The following CENPE variants were observed in gnomAD, a reference collection of about 807,000 sequenced individuals.
CENPE encodes centromere protein E.
CENPE carries 145 observed loss-of-function variants against 336.1 expected under a neutral mutation model. That is an observed-to-expected ratio of 0.43 (90% CI 0.38 to 0.50). The LOEUF (loss-of-function observed/expected upper bound fraction) is 0.50. Among genes scored for constraint, CENPE ranks in the 20% least tolerant of loss-of-function variants. CENPE has a pLI of 0.00. For missense variants in CENPE, 2,719 were observed against 3,023.3 expected (o/e 0.90, Z 2.36); for synonymous variants, 1,013 against 984.8 (o/e 1.03, Z -0.54).
chr4:103,195,912 T>G lies in CENPE; in HGVS notation c.357+8A>C. On this transcript the variant is annotated splice_region_variant and intron_variant, in intron 4 of 48. Transcript: ENST00000265148. ...TGTACGTACTAGAAATCCAGTTAAG[T>G]TACTTACCTTCTTAATTTTTTGGAA... 8 of 1,550,410 alleles carry G rather than the reference T, an allele frequency of 5.2e-6. No homozygotes were observed. Among genetic ancestry groups the G allele is most frequent in the Non-Finnish European group, 7.1e-6 (8 of 1,122,078 alleles).
rs907373989 is a variant in CENPE, at chr4:103,141,159, A to G, written c.5464-55T>C. ...GTGGCTTTTTAGGGACAGATAAATAATAGTTTCTAAATTGATTAAGACAAC... is the reference window on the plus strand; with the variant it reads ...GTGGCTTTTTAGGGACAGATAAATAGTAGTTTCTAAATTGATTAAGACAAC... On this transcript the variant is annotated intron_variant, in intron 35 of 48. Coordinates refer to ENST00000265148, the MANE Select transcript of CENPE (RefSeq NM_001813.3). The G allele has an allele frequency of 6.9e-6, 7 of 1,020,002 alleles. No individual in the cohort carries two copies. The African/African-American group carries it at 8.0e-5, about 12-fold the overall frequency. The allele number at this position is 1,020,002 out of a possible 1,614,324, so 63.2% of individuals were successfully genotyped here. A position where few individuals can be genotyped will look rare whatever the true frequency, so the allele number is the denominator to read the frequency against.
chr4:103,145,686 A>AT lies in CENPE; in HGVS notation c.4414-6dup, dbSNP rs767880556. 6.4e-7 allele frequency: 1 copy of AT among 1,571,172 alleles called. No homozygotes were observed. Among genetic ancestry groups the AT allele is most frequent in the Admixed American group, 2.1e-5 (1 of 48,482 alleles). On this transcript the variant is annotated splice_polypyrimidine_tract_variant and splice_region_variant and intron_variant, in intron 30 of 48. Transcript: ENST00000265148. ...TTCCTCTTCAGTTTCCAGGTGCTTT[A>AT]TTATTAGAGGAAATTCCAATAAATT...
At position 103,145,044 on chromosome 4, in the gene CENPE, A is replaced by G. The variant is rs765090464; in HGVS notation, c.4857+6T>C. The G allele has an allele frequency of 6.7e-7, 1 of 1,487,862 alleles. No individual in the cohort carries two copies. Among genetic ancestry groups the G allele is most frequent in the East Asian group, 2.3e-5 (1 of 43,800 alleles). 92.2% of individuals were successfully genotyped at this position (1,487,862 alleles called of 1,614,324 possible). A position where few individuals can be genotyped will look rare whatever the true frequency, so the allele number is the denominator to read the frequency against. On this transcript the variant is annotated splice_donor_region_variant and intron_variant, in intron 32 of 48. Coordinates refer to ENST00000265148, the MANE Select transcript of CENPE (RefSeq NM_001813.3). ...CAAAAAAAAAAAAAATAAGATGGGA[A>G]CTTACTTTAGCTACAATTTCTTTAG...
At chr4:103,134,791 G>A (rs551217880) in intron 40 of CENPE, among the ~76,000 whole-genome samples, 11 of 152,276 alleles carry the variant, frequency 7.2e-5, no homozygotes, top group Non-Finnish European at 1.2e-4. Context: ...ACCAGGGCCC[G>A]AAGGGCAATC....
At chr4:103,161,046 A>G (rs1180227544) in intron 20 of CENPE, 40 bp downstream of exon 20, 5 of 1,468,952 alleles carry the variant, frequency 3.4e-6, no homozygotes, top group Non-Finnish European at 4.6e-6. Context: ...TTTCTAGAAG[A>G]AGTCAGATTT....
intron 25 of CENPE, among the ~76,000 whole-genome samples, chr4:103,151,750 C>A (rs898514163): frequency 6.6e-6 from 1 of 152,148 alleles, no homozygotes; most frequent in Non-Finnish European, 1.5e-5. Flanking sequence ...GGTTTTAGCA[C>A]AGATCACTGC....
rs150136358 is a variant in CENPE, at chr4:103,110,177, C to G, written c.7724+651G>C. Among the ~76,000 whole-genome samples, 15 of 152,184 alleles carry G rather than the reference C, an allele frequency of 9.9e-5. No individual in the cohort carries two copies. In the East Asian group the frequency reaches 2.9e-3, roughly 29 times the overall value. ...TGAATCGCGGAAATCTTTTGGGTTC[C>G]CAGTGTGTATAGTAGAAAGATAAGT... On this transcript the variant is annotated intron_variant, in intron 47 of 48. Transcript: ENST00000265148.
At chr4:103,148,720 A>C in intron 28 of CENPE, 124 bp downstream of exon 28, 6 of 878,754 alleles carry the variant, frequency 6.8e-6, no homozygotes, top group South Asian at 1.7e-5. Context: ...CACATTAAAC[A>C]CTCGACAAAT....
chr4:103,121,471 A>G (rs763980538), intron 43 of CENPE, among the ~76,000 whole-genome samples: 2 of 151,746 alleles, frequency 1.3e-5, no homozygotes, highest in South Asian at 2.1e-4. Flanking sequence ...TGAGATAGGA[A>G]TCCAGCCTTA....
At chr4:103,112,978 GTA>G (rs1447008670) in intron 46 of CENPE, among the ~76,000 whole-genome samples, 1 of 41,906 alleles carries the variant, frequency 2.4e-5, no homozygotes, top group Non-Finnish European at 4.0e-5. Flanking sequence ...GTATATAAGT[GTA>G]TATATATACT....
Position 103,136,339 on chromosome 4 carries a change from T to C in CENPE, c.6324A>G (p.Ser2108=), listed in dbSNP as rs750340259. 1 of 1,610,020 alleles carries C rather than the reference T, an allele frequency of 6.2e-7. No homozygotes were observed. The highest frequency in any genetic ancestry group is 2.2e-5 in the East Asian group (1 of 44,768). The change falls in exon 40 of 49, where the codon TCA becomes TCG. Residue 2108 remains serine (S), a synonymous_variant. Coordinates refer to ENST00000265148, the MANE Select transcript of CENPE (RefSeq NM_001813.3). Reference sequence around the variant, plus strand: ...AGCACTCATAATGATCATCCATCTCTGAGTATCTCTTCAAAAGCTCCTAAA... The same window carrying C: ...AGCACTCATAATGATCATCCATCTCCGAGTATCTCTTCAAAAGCTCCTAAA... ...SRIKELLKRY[S]EMDDHYECLN...
Position 103,106,132 on chromosome 4 carries a change from A to T in CENPE, c.*90T>A. 1.4e-6 allele frequency: 1 copy of T among 736,438 alleles called. No individual in the cohort carries two copies. The highest frequency in any genetic ancestry group is 2.1e-6 in the Non-Finnish European group (1 of 485,854). The allele number at this position is 736,438 out of a possible 1,614,324, so 45.6% of individuals were successfully genotyped here. A position where few individuals can be genotyped will look rare whatever the true frequency, so the allele number is the denominator to read the frequency against. The stretch of plus-strand genomic sequence containing the variant: ...AAAGACTGAATTGAAATTAAGCTGC[A>T]CTACAACATCATTACCAGGGATAGA... On this transcript the variant is annotated 3_prime_UTR_variant, in exon 49 of 49. Transcript: ENST00000265148.
intron 26 of CENPE, among the ~76,000 whole-genome samples, chr4:103,150,058 A>C (rs1336810380): frequency 6.6e-6 from 1 of 151,996 alleles, no homozygotes; most frequent in African/African-American, 2.4e-5. Context: ...AAATATACAA[A>C]TACAGCTACC....
chr4:103,163,293 C>G (rs1754613417), intron 17 of CENPE, 37 bp from the exon 18 acceptor site: 1 of 1,575,060 alleles, frequency 6.3e-7, no homozygotes, highest in Non-Finnish European at 8.6e-7. Flanking sequence ...AATTTAGAAT[C>G]TGATTTGAAG....
At chr4:103,180,202 T>C (rs578011228) in intron 13 of CENPE, 109 bp downstream of exon 13, 2 of 981,662 alleles carry the variant, frequency 2.0e-6, no homozygotes, top group Non-Finnish European at 1.4e-6. Flanking sequence ...CTGGGTTTCT[T>C]GAATATACTG....
intron 8 of CENPE, among the ~76,000 whole-genome samples, chr4:103,188,489 C>A (rs1462586508): frequency 6.6e-6 from 1 of 152,168 alleles, no homozygotes; most frequent in Non-Finnish European, 1.5e-5. Context: ...TTAAGAAACT[C>A]ACTCAAAACC....
rs777587692 is a variant in CENPE at position 103,108,896 on chromosome 4, G to A, written c.7918C>T (p.Pro2640Ser). 5.6e-6 allele frequency: 9 copies of A among 1,613,776 alleles called. No homozygotes were observed. In the African/African-American group the frequency reaches 1.2e-4, roughly 22 times the overall value. The change falls in exon 48 of 49, where the codon CCA (proline) becomes TCA (serine). Residue 2640 changes from proline (P) to serine (S), a missense_variant. By Grantham distance (74) the Pro-to-Ser change is moderately conservative (BLOSUM62 -1). Transcript: ENST00000265148. ...NLQDPVPKES[P>S]KSCFFDSRSK... ...CGGCTATCAAAAAAACAAGATTTTG[G>A]TGATTCCTTTGGCACAGGATCTTGT... is the stretch of plus-strand genomic sequence containing the variant.
At chr4:103,177,082 T>C in intron 13 of CENPE, 36 bp from the exon 14 acceptor site, 1 of 1,530,016 alleles carries the variant, frequency 6.5e-7, no homozygotes, top group Non-Finnish European at 8.9e-7. Flanking sequence ...GTCATATAGA[T>C]CTGTATTCAA....
chr4:103,177,944 G>A (rs2126012635), intron 13 of CENPE, among the ~76,000 whole-genome samples: 1 of 151,828 alleles, frequency 6.6e-6, no homozygotes, highest in East Asian at 1.9e-4. Flanking sequence ...TGCTCTCATT[G>A]CCGTTGCTGT....
Sources: gnomAD v4.1 joint callset for allele counts (sites outside exome capture counted in the v4.1 genomes callset) on GRCh38, gnomAD v4.1.1 for gene constraint, MANE v1.5 for transcripts, NCBI Gene and HGNC (gene_info 2026-07-23, HGNC 2026-07-21) for gene names.